Variants in EDIL3 observed in about 807,000 individuals in gnomAD.
EDIL3 encodes EGF like and discoidin domains 3, also known as EGF-like repeat and discoidin I-like domain-containing protein 3.
EDIL3 carries 37 observed loss-of-function variants against 67.4 expected under a neutral mutation model. The observed-to-expected ratio is 0.55, with a 90% CI of 0.42 to 0.72. The LOEUF is 0.72. Ranked by LOEUF, EDIL3 falls within the 30% of genes least tolerant of loss-of-function variation. EDIL3 has a pLI of 0.00. For synonymous variants in EDIL3, 195 were observed against 196.3 expected, an observed-to-expected ratio of 0.99 and a Z score of 0.05; for missense variants, 527 against 586.3, an observed-to-expected ratio of 0.90 and a Z score of 1.04.
intron 3 of EDIL3, among the ~76,000 whole-genome samples, chr5:84,208,110 A>C (rs1347567996): frequency 1.3e-5 from 2 of 152,050 alleles, no homozygotes; most frequent in Non-Finnish European, 2.9e-5. Context: ...GTGAACAGGC[A>C]ACCTACAAAA....
At chr5:84,142,327 G>T (rs1163540522) in intron 4 of EDIL3, among the ~76,000 whole-genome samples, 8 of 152,086 alleles carry the variant, frequency 5.3e-5, no homozygotes, top group Non-Finnish European at 8.8e-5. Context: ...GATTCCGCTA[G>T]TTGGCCAGAG....
chr5:84,352,254 T>C (rs1747376528), intron 1 of EDIL3, among the ~76,000 whole-genome samples: 1 of 152,126 alleles, frequency 6.6e-6, no homozygotes, highest in Non-Finnish European at 1.5e-5. Flanking sequence ...AAGATAGAAC[T>C]ACCATTTGAT....
At chr5:84,025,435 C>G (rs1281035875) in intron 9 of EDIL3, among the ~76,000 whole-genome samples, 1 of 152,086 alleles carries the variant, frequency 6.6e-6, no homozygotes, top group Admixed American at 6.6e-5. Context: ...TGTCTAGTGG[C>G]AGGAAAACAA....
At chr5:84,162,089 C>T (rs1748622548) in intron 4 of EDIL3, among the ~76,000 whole-genome samples, 1 of 152,074 alleles carries the variant, frequency 6.6e-6, no homozygotes, top group Non-Finnish European at 1.5e-5. Flanking sequence ...ACTAGTGACA[C>T]AGTGACACAT....
intron 5 of EDIL3, among the ~76,000 whole-genome samples, chr5:84,119,122 C>T (rs1747725193): frequency 1.3e-5 from 2 of 149,338 alleles, no homozygotes; most frequent in Non-Finnish European, 3.0e-5. Flanking sequence ...GATAAAAAGT[C>T]GTAGTTGGAG....
chr5:84,099,632 G>T (rs574464096), intron 6 of EDIL3, among the ~76,000 whole-genome samples: 134 of 152,154 alleles, frequency 8.8e-4, no homozygotes, highest in Middle Eastern at 3.4e-3. Context: ...AATCCTAGAA[G>T]AAAACCTAGG....
chr5:84,109,562 A>G (rs1291141438), intron 5 of EDIL3, among the ~76,000 whole-genome samples: 5 of 152,136 alleles, frequency 3.3e-5, no homozygotes, highest in Non-Finnish European at 7.4e-5. Context: ...TTCAAATAAT[A>G]TATATTGACA....
At chr5:84,029,242 G>A (rs1440691052) in intron 9 of EDIL3, among the ~76,000 whole-genome samples, 1 of 152,034 alleles carries the variant, frequency 6.6e-6, no homozygotes. Context: ...GGGACAGAGG[G>A]ATACTCCATC....
At chr5:84,055,353 C>T (rs1290345478) in intron 9 of EDIL3, among the ~76,000 whole-genome samples, 1 of 146,340 alleles carries the variant, frequency 6.8e-6, no homozygotes, top group Non-Finnish European at 1.5e-5. Flanking sequence ...ACCATAAAAA[C>T]CCGAGAAGAA....
At chr5:83,963,603 A>C (rs1322415635) in intron 9 of EDIL3, among the ~76,000 whole-genome samples, 1 of 149,874 alleles carries the variant, frequency 6.7e-6, no homozygotes, top group African/African-American at 2.4e-5. Flanking sequence ...AATCATGGTG[A>C]TTTCAGTCCA....
chr5:84,166,932 T>C (rs1748714134), intron 4 of EDIL3, among the ~76,000 whole-genome samples: 2 of 152,042 alleles, frequency 1.3e-5, no homozygotes, highest in South Asian at 2.1e-4. Flanking sequence ...CAAAGTAGAA[T>C]CAGCAAGGTG....
At chr5:84,384,033 T>G (rs539671164) in intron 1 of EDIL3, among the ~76,000 whole-genome samples, 2 of 152,228 alleles carry the variant, frequency 1.3e-5, no homozygotes, top group South Asian at 2.1e-4. Flanking sequence ...TCGCTGGTCC[T>G]GGGGACGCTG....
At chr5:84,184,068 T>G (rs1749060004) in intron 3 of EDIL3, among the ~76,000 whole-genome samples, 1 of 152,206 alleles carries the variant, frequency 6.6e-6, no homozygotes, top group Admixed American at 6.5e-5. Context: ...ATCGTGCCAT[T>G]GCACTCCAGC....
chr5:84,176,176 T>TAAAAA lies in EDIL3; in HGVS notation c.355+4212_355+4216dup, dbSNP rs1305632387. ...TTTTTCTGGCCAACTTTCTCAGTGG[T>TAAAAA]AAAAAATATATATATATATATAATA... On this transcript the variant is annotated intron_variant, in intron 4 of 10. Coordinates refer to ENST00000296591, the MANE Select transcript of EDIL3 (RefSeq NM_005711.5). Among the ~76,000 whole-genome samples the TAAAAA allele has an allele frequency of 1.8e-4, 17 of 94,948 alleles. No individual in the cohort carries two copies. The South Asian group carries it at 2.3e-3, about 13-fold the overall frequency. The allele number at this position is 94,948 out of a possible 152,430, so 62.3% of individuals were successfully genotyped here. A position where few individuals can be genotyped will look rare whatever the true frequency, so the allele number is the denominator to read the frequency against.
At chr5:84,136,535 A>G (rs1025583804) in intron 5 of EDIL3, among the ~76,000 whole-genome samples, 2 of 152,054 alleles carry the variant, frequency 1.3e-5, no homozygotes, top group South Asian at 2.1e-4. Context: ...AAGGCAAATA[A>G]CTGCCCTGTC....
chr5:83,968,279 G>A (rs1195292215), intron 9 of EDIL3, among the ~76,000 whole-genome samples: 1 of 151,990 alleles, frequency 6.6e-6, no homozygotes, highest in African/African-American at 2.4e-5. Flanking sequence ...CTGATCTAAA[G>A]TTTGGAATCC....
chr5:84,072,401 C>A (rs1032023280), intron 6 of EDIL3, among the ~76,000 whole-genome samples: 1 of 151,858 alleles, frequency 6.6e-6, no homozygotes, highest in African/African-American at 2.4e-5. Context: ...AAATCTACAC[C>A]AAGTAATCAT....
intron 2 of EDIL3, among the ~76,000 whole-genome samples, chr5:84,233,416 T>G (rs748763137): frequency 1.3e-5 from 2 of 152,192 alleles, no homozygotes; most frequent in Non-Finnish European, 2.9e-5. Flanking sequence ...GAAACAGCCA[T>G]GGGTACCATT....
intron 1 of EDIL3, among the ~76,000 whole-genome samples, chr5:84,354,782 T>C (rs994553791): frequency 6.6e-6 from 1 of 152,232 alleles, no homozygotes; most frequent in Non-Finnish European, 1.5e-5. Context: ...AAATTCCATT[T>C]GACATCTTAC....
Sources: allele counts gnomAD v4.1 joint callset (sites outside exome capture counted in the v4.1 genomes callset), GRCh38; gene constraint gnomAD v4.1.1; transcripts MANE v1.5; gene names NCBI Gene and HGNC (gene_info 2026-07-23, HGNC 2026-07-21).